TENM2: variants seen among roughly 807,000 people sequenced by gnomAD.
TENM2 encodes teneurin transmembrane protein 2.
Under a neutral mutation model 245.2 loss-of-function variants are expected in TENM2, and 52 were observed. The observed-to-expected ratio is 0.21, with a 90% CI of 0.17 to 0.27. The LOEUF (loss-of-function observed/expected upper bound fraction) is 0.27. Among genes scored for constraint, TENM2 ranks in the 10% least tolerant of loss-of-function variants. The probability of loss-of-function intolerance (pLI) is 1.00; values close to 1 mark genes in which losing one functional copy is unlikely to be tolerated. For synonymous variants in TENM2, 1,363 were observed against 1,438.9 expected, an observed-to-expected ratio of 0.95 and a Z score of 1.19; for missense variants, 3,046 against 3,666.8, an observed-to-expected ratio of 0.83 and a Z score of 4.37.
At chr5:167,051,844 A>G in the TENM2 span, among the ~76,000 whole-genome samples, 1 of 152,210 alleles carries the variant, frequency 6.6e-6, no homozygotes, top group African/African-American at 2.4e-5. Flanking sequence ...GAATTCCCTC[A>G]TATTTGCCCA....
intron 5 of TENM2, among the ~76,000 whole-genome samples, chr5:168,004,787 T>A (rs2152056615): frequency 6.6e-6 from 1 of 152,226 alleles, no homozygotes; most frequent in Non-Finnish European, 1.5e-5. Flanking sequence ...CACCTTTAAA[T>A]CGCCTTGGGG....
At chr5:167,800,319 CCTT>C (rs1388319020) in intron 2 of TENM2, among the ~76,000 whole-genome samples, 1 of 152,140 alleles carries the variant, frequency 6.6e-6, no homozygotes, top group Non-Finnish European at 1.5e-5. Flanking sequence ...GCTCCATAGT[CCTT>C]CTCTTTGACA....
the TENM2 span, among the ~76,000 whole-genome samples, chr5:167,153,252 T>C: frequency 3.7e-4 from 57 of 152,118 alleles, no homozygotes; most frequent in African/African-American, 1.4e-3. Flanking sequence ...ACCAGAAACC[T>C]TACCGAGAAC....
intron 5 of TENM2, among the ~76,000 whole-genome samples, chr5:168,008,348 T>A (rs1160876020): frequency 6.6e-6 from 1 of 152,236 alleles, no homozygotes; most frequent in East Asian, 1.9e-4. Context: ...TAGATGGCCT[T>A]GAAATCTGGC....
intron 12 of TENM2, among the ~76,000 whole-genome samples, chr5:168,143,892 C>T (rs1057053574): frequency 7.2e-6 from 1 of 139,112 alleles, no homozygotes; most frequent in African/African-American, 2.8e-5. Context: ...TCTTATTTCC[C>T]AGGCTGGAGA....
Position 167,923,031 on chromosome 5 carries a change from G to A in TENM2, c.713-29557G>A, listed in dbSNP as rs186733003. 1.4e-4 allele frequency among the ~76,000 whole-genome samples: 22 copies of A among 152,154 alleles called. No individual in the cohort carries two copies. The East Asian group carries it at 2.9e-3, about 20-fold the overall frequency. On this transcript the variant is annotated intron_variant, in intron 3 of 28. Coordinates refer to ENST00000518659, the Ensembl canonical transcript of TENM2. ...TGCCTCTGTCTCTTATACTCTAATC[G>A]AGGCCATGAGGGCCAGGTGCAGTGG...
At chr5:167,827,009 G>T (rs550331641) in intron 2 of TENM2, among the ~76,000 whole-genome samples, 3 of 152,346 alleles carry the variant, frequency 2.0e-5, no homozygotes, top group Admixed American at 6.5e-5. Flanking sequence ...ATTGCACCTT[G>T]CCCCACCAAG....
intron 6 of TENM2, among the ~76,000 whole-genome samples, chr5:168,058,726 T>C (rs531829558): frequency 6.6e-6 from 1 of 152,362 alleles, no homozygotes; most frequent in South Asian, 2.1e-4. Context: ...ATTTTTTGTC[T>C]CTTAGAGAAT....
At chr5:167,670,244 C>A (rs1346685073) in intron 2 of TENM2, among the ~76,000 whole-genome samples, 1 of 152,048 alleles carries the variant, frequency 6.6e-6, no homozygotes, top group Non-Finnish European at 1.5e-5. Flanking sequence ...CAAGAGGGAG[C>A]GCTTTGTGAT....
rs545286916 is a variant in TENM2, at chr5:167,507,412, C to T, written c.502+131939C>T. Among the ~76,000 whole-genome samples the T allele has an allele frequency of 4.6e-5, 7 of 152,208 alleles. No individual in the cohort carries two copies. The South Asian group carries it at 1.0e-3, about 23-fold the overall frequency. ...ATTTAATGAAGTATTTAAAATGCCA[C>T]GCAATCTAGCAAAGATACCTAAGAT... On this transcript the variant is annotated intron_variant, in intron 2 of 28. Coordinates refer to ENST00000518659, the Ensembl canonical transcript of TENM2.
intron 2 of TENM2, among the ~76,000 whole-genome samples, chr5:167,702,467 A>G (rs1352695146): frequency 6.6e-6 from 1 of 151,178 alleles, no homozygotes; most frequent in Non-Finnish European, 1.5e-5. Flanking sequence ...GTGTGTCTCT[A>G]TGGGGCCAGA....
intron 2 of TENM2, among the ~76,000 whole-genome samples, chr5:167,768,907 G>A (rs1763217587): frequency 6.6e-6 from 1 of 152,176 alleles, no homozygotes; most frequent in Non-Finnish European, 1.5e-5. Context: ...TAAGAAGGAG[G>A]AAGATTCTAG....
intron 2 of TENM2, among the ~76,000 whole-genome samples, chr5:167,630,933 C>T (rs1038318043): frequency 4.6e-5 from 7 of 152,164 alleles, no homozygotes; most frequent in African/African-American, 7.2e-5. Context: ...TCCCCAGTAT[C>T]CTCATGTACC....
intron 4 of TENM2, among the ~76,000 whole-genome samples, chr5:167,990,533 G>A (rs544731142): frequency 2.3e-4 from 35 of 152,284 alleles, no homozygotes; most frequent in African/African-American, 7.7e-4. Context: ...AGAGATGGAG[G>A]TTCTCAAAAG....
intron 3 of TENM2, among the ~76,000 whole-genome samples, chr5:167,932,569 C>A (rs1254708672): frequency 6.6e-6 from 1 of 152,070 alleles, no homozygotes; most frequent in Non-Finnish European, 1.5e-5. Flanking sequence ...ATACAATAAA[C>A]ATACATACAT....
intron 1 of TENM2, among the ~76,000 whole-genome samples, chr5:167,297,214 T>C (rs1754993021): frequency 6.6e-6 from 1 of 152,218 alleles, no homozygotes; most frequent in Non-Finnish European, 1.5e-5. Context: ...CAGAAGCTCA[T>C]AATAGAGTCT....
intron 7 of TENM2, among the ~76,000 whole-genome samples, chr5:168,079,641 G>C (rs1457918807): frequency 2.0e-5 from 3 of 152,002 alleles, no homozygotes; most frequent in Non-Finnish European, 4.4e-5. Flanking sequence ...TAGCATGAAG[G>C]GCTGTTGAAT....
chr5:167,277,759 T>C, the TENM2 span, among the ~76,000 whole-genome samples: 4 of 152,156 alleles, frequency 2.6e-5, no homozygotes, highest in Non-Finnish European at 2.9e-5. Context: ...GTTATATCAT[T>C]TTTTTGTTTC....
intron 5 of TENM2, among the ~76,000 whole-genome samples, chr5:168,009,167 C>T (rs146198722): frequency 6.6e-4 from 100 of 152,304 alleles, no homozygotes; most frequent in Middle Eastern, 3.4e-3. Flanking sequence ...AACCACCCTC[C>T]GGGACTTGAA....
Sources: allele counts gnomAD v4.1 joint callset (sites outside exome capture counted in the v4.1 genomes callset), GRCh38; gene constraint gnomAD v4.1.1; transcripts MANE v1.5; gene names NCBI Gene and HGNC (gene_info 2026-07-23, HGNC 2026-07-21).